The following MED12L variants were observed in gnomAD, a reference collection of about 807,000 sequenced individuals.
MED12L encodes the protein mediator complex subunit 12L, also known as mediator of RNA polymerase II transcription subunit 12-like protein.
A neutral mutation model predicts 281.3 loss-of-function variants in MED12L; 60 were observed. The observed-to-expected ratio is 0.21, with a 90% CI of 0.17 to 0.26. The LOEUF is 0.26. Among genes scored for constraint, MED12L ranks in the 10% least tolerant of loss-of-function variants. The pLI, the probability that MED12L is intolerant of heterozygous loss-of-function variation, is 1.00. For missense variants in MED12L, 2,146 were observed against 2,680.9 expected, an observed-to-expected ratio of 0.80 and a Z score of 4.41; for synonymous variants, 974 against 987.2, an observed-to-expected ratio of 0.99 and a Z score of 0.25.
intron 16 of MED12L, among the ~76,000 whole-genome samples, chr3:151,229,634 A>C (rs1035448345): frequency 2.0e-5 from 3 of 151,694 alleles, no homozygotes; most frequent in African/African-American, 7.3e-5. Flanking sequence ...GCCCACCACC[A>C]TGCCTGGCTT....
At chr3:151,245,861 C>G (rs1383437202) in intron 16 of MED12L, among the ~76,000 whole-genome samples, 1 of 151,444 alleles carries the variant, frequency 6.6e-6, no homozygotes, top group Non-Finnish European at 1.5e-5. Flanking sequence ...GATTGTATAT[C>G]TAGAAAACCC....
chr3:151,109,142 C>T (rs1463951452), intron 2 of MED12L, among the ~76,000 whole-genome samples: 2 of 151,894 alleles, frequency 1.3e-5, no homozygotes, highest in African/African-American at 4.8e-5. Flanking sequence ...ACTGCAACCT[C>T]TGCCTCCCGG....
chr3:151,154,768 T>C (rs986027287), intron 5 of MED12L, among the ~76,000 whole-genome samples: 11 of 152,176 alleles, frequency 7.2e-5, no homozygotes, highest in African/African-American at 2.7e-4. Context: ...AACAAGTGAG[T>C]GTCATGAGAC....
chr3:151,261,685 G>GTGTTT (rs10627724), intron 16 of MED12L, among the ~76,000 whole-genome samples: 36,802 of 148,498 alleles, frequency 0.25, 4,738 homozygotes, highest in South Asian at 0.3. Flanking sequence ...GTGGTACGTG[G>GTGTTT]TGTTTTGTTT....
At position 151,240,321 on chromosome 3, in the gene MED12L, G is replaced by A. The variant is rs567042290; in HGVS notation, c.2250+46655G>A. On this transcript the variant is annotated intron_variant, in intron 16 of 44. Transcript: ENST00000687756. Reference sequence around the variant, plus strand: ...CCTTTATTTCTGTGATTTCTTTTTTGGACCTCTGACTCTCAGATTACAGCT... The same window carrying A: ...CCTTTATTTCTGTGATTTCTTTTTTAGACCTCTGACTCTCAGATTACAGCT... Among the ~76,000 whole-genome samples, 289 of 152,150 alleles carry A rather than the reference G, an allele frequency of 1.9e-3. 1 individual carries two copies. The highest frequency in any genetic ancestry group is 6.7e-3 in the African/African-American group (279 of 41,522).
At chr3:151,327,734 TAAAA>T (rs63497161) in intron 16 of MED12L, 19 of 252,508 alleles carry the variant, frequency 7.5e-5, no homozygotes, top group Non-Finnish European at 1.2e-4. Context: ...CTCTTGAAAT[TAAAA>T]AAAAAAAAAA....
intron 5 of MED12L, among the ~76,000 whole-genome samples, chr3:151,131,675 G>T (rs148759245): frequency 6.6e-6 from 1 of 152,294 alleles, no homozygotes; most frequent in East Asian, 1.9e-4. Flanking sequence ...GAAAGGTTAT[G>T]TAATTTCTGG....
intron 16 of MED12L, among the ~76,000 whole-genome samples, chr3:151,224,602 G>A (rs577983988): frequency 9.2e-5 from 14 of 152,116 alleles, no homozygotes; most frequent in African/African-American, 1.7e-4. Flanking sequence ...ACTCTTGTCC[G>A]TGCCCTCTCT....
chr3:151,294,248 G>A (rs771514496), intron 16 of MED12L: 1 of 1,613,634 alleles, frequency 6.2e-7, no homozygotes, highest in Non-Finnish European at 8.5e-7. Flanking sequence ...TTCACTCCTG[G>A]TTCTGATATT....
intron 16 of MED12L, among the ~76,000 whole-genome samples, chr3:151,301,563 A>G (rs1433507044): frequency 6.6e-6 from 1 of 152,250 alleles, no homozygotes; most frequent in East Asian, 1.9e-4. Flanking sequence ...AAGAACTTTT[A>G]CAGCTTCTTA....
chr3:151,138,348 T>TA (rs1177485141), intron 5 of MED12L, among the ~76,000 whole-genome samples: 1 of 152,206 alleles, frequency 6.6e-6, no homozygotes, highest in East Asian at 1.9e-4. Flanking sequence ...GAGAAGATAG[T>TA]ACAGAGTTCC....
At chr3:151,201,746 T>A (rs1207158035) in intron 16 of MED12L, among the ~76,000 whole-genome samples, 11 of 152,238 alleles carry the variant, frequency 7.2e-5, no homozygotes, top group Non-Finnish European at 1.3e-4. Context: ...ACCTTGGAAT[T>A]TTGAACATAC....
chr3:151,351,888 G>C (rs1753280490), intron 17 of MED12L, among the ~76,000 whole-genome samples: 1 of 152,098 alleles, frequency 6.6e-6, no homozygotes, highest in Non-Finnish European at 1.5e-5. Flanking sequence ...TCCTGTCTTT[G>C]TAGCAGTCCC....
chr3:151,178,932 T>A (rs1344333038), intron 11 of MED12L, among the ~76,000 whole-genome samples: 1 of 152,240 alleles, frequency 6.6e-6, no homozygotes, highest in African/African-American at 2.4e-5. Flanking sequence ...CTGAAAAGAT[T>A]TACATGTAAC....
chr3:151,399,920 G>A (rs1404003733), intron 39 of MED12L, among the ~76,000 whole-genome samples: 2 of 151,892 alleles, frequency 1.3e-5, no homozygotes, highest in Non-Finnish European at 2.9e-5. Context: ...TCTGCTTCCC[G>A]GGTTCAAGCG....
chr3:151,131,145 A>G (rs1288303326), intron 5 of MED12L, among the ~76,000 whole-genome samples: 1 of 152,036 alleles, frequency 6.6e-6, no homozygotes, highest in Admixed American at 6.5e-5. Flanking sequence ...CGGAGAGACT[A>G]CTCCATTCCT....
Position 151,394,809 on chromosome 3 carries a change from T to C in MED12L, c.5762T>C (p.Leu1921Pro). Residue 1921 changes from leucine to proline, a missense_variant, in exon 39 of 45, where the codon CTG (leucine) becomes CCG (proline). Physicochemically the swap from Leu to Pro is moderately conservative, Grantham distance 98. Around this residue, in one of 9 missense-constraint regions of MED12L, gnomAD observed 496 missense variants for 512.0 expected, o/e 0.97. Coordinates refer to ENST00000687756, the MANE Select transcript of MED12L (RefSeq NM_001393769.1). ...CAGCAGTTGATACAGATGAAGCTTCTGCAGCAGCAGCAGCAACAGCGACTT... is the reference window on the plus strand; with the variant it reads ...CAGCAGTTGATACAGATGAAGCTTCCGCAGCAGCAGCAGCAACAGCGACTT... ...SQQQLIQMKL[L>P]QQQQQQRLLR... 1.2e-6 allele frequency: 2 copies of C among 1,613,756 alleles called. No individual in the cohort carries two copies. Among genetic ancestry groups the C allele is most frequent in the Admixed American group, 1.7e-5 (1 of 60,030 alleles).
At chr3:151,296,533 T>A (rs1745115778) in intron 16 of MED12L, among the ~76,000 whole-genome samples, 1 of 152,128 alleles carries the variant, frequency 6.6e-6, no homozygotes, top group African/African-American at 2.4e-5. Flanking sequence ...CTTACCAGTC[T>A]TCAAACCTTT....
intron 11 of MED12L, among the ~76,000 whole-genome samples, chr3:151,175,118 G>A (rs1576891393): frequency 6.6e-6 from 1 of 152,226 alleles, no homozygotes; most frequent in Non-Finnish European, 1.5e-5. Flanking sequence ...ACCAGGTACA[G>A]CAAGGTTATG....
Sources: allele counts gnomAD v4.1 joint callset (sites outside exome capture counted in the v4.1 genomes callset), GRCh38; gene constraint gnomAD v4.1.1; regional missense constraint gnomAD v4.1.1; transcripts MANE v1.5; gene names NCBI Gene and HGNC (gene_info 2026-07-23, HGNC 2026-07-21).